Variants in EIF2AK2 observed in about 807,000 individuals in gnomAD.
EIF2AK2 encodes the protein eukaryotic translation initiation factor 2 alpha kinase 2.
In EIF2AK2, 40 loss-of-function variants were observed where a neutral mutation model predicts 70.5. That is an observed-to-expected ratio of 0.57 (90% CI 0.44 to 0.74). The LOEUF (loss-of-function observed/expected upper bound fraction) is 0.74, where lower values mean the gene tolerates loss of function less well. Among genes scored for constraint, EIF2AK2 ranks in the 30% least tolerant of loss-of-function variants. The pLI, the probability that EIF2AK2 is intolerant of heterozygous loss-of-function variation, is 0.00. For missense variants in EIF2AK2, 555 were observed against 644.3 expected, an observed-to-expected ratio of 0.86 and a Z score of 1.50; for synonymous variants, 198 against 220.9, an observed-to-expected ratio of 0.90 and a Z score of 0.92.
chr2:37,126,968 A>G (rs1179921477), intron 10 of EIF2AK2, among the ~76,000 whole-genome samples: 8 of 24,614 alleles, frequency 3.3e-4, no homozygotes, highest in East Asian at 1.7e-3. Flanking sequence ...AAAAAAACAG[A>G]AAAAAAAAAA....
At chr2:37,124,116 C>G (rs1674650219) in intron 11 of EIF2AK2, among the ~76,000 whole-genome samples, 1 of 151,870 alleles carries the variant, frequency 6.6e-6, no homozygotes, top group African/African-American at 2.4e-5. Context: ...CACAGGCACA[C>G]ACCACCACAC....
chr2:37,141,700 G>C lies in EIF2AK2; in HGVS notation c.242C>G (p.Ala81Gly). 4.4e-6 allele frequency: 7 copies of C among 1,595,848 alleles called. No homozygotes were observed. Among genetic ancestry groups the C allele is most frequent in the Non-Finnish European group, 6.0e-6 (7 of 1,174,078 alleles). ...TGTTGTCAATAATAAAGGACTAACT[G>C]CCTACAAAGAAAAAAAATTCCTGTT... ...AVEILNKEKK[A>G]VSPLLLTTTN... The change falls in exon 5 of 17, where the codon GCA becomes GGA. Residue 81 changes from alanine to glycine, a missense_variant and splice_region_variant. Physicochemically the swap from Ala to Gly is moderately conservative, Grantham distance 60. Transcript: ENST00000233057.
intron 14 of EIF2AK2, among the ~76,000 whole-genome samples, chr2:37,111,881 ATATATAT>A (rs1558407913): frequency 0.024 from 1,052 of 44,310 alleles, 15 homozygotes; most frequent in African/African-American, 0.043. Context: ...AAAAAAAAAT[ATATATAT>A]ATATATATAT....
In EIF2AK2 at chr2:37,139,676, G is replaced by A. The variant is rs140953544; in HGVS notation, c.471C>T (p.Ala157=). The change falls in exon 6 of 17, where the codon GCC becomes GCT. Residue 157 remains alanine, a synonymous_variant. Transcript: ENST00000233057. ...ATATCTGAAGATATGCAAGTTTAGCGGCCAATTGTTTTGCTTCCTGTTTAG... is the reference window on the plus strand; with the variant it reads ...ATATCTGAAGATATGCAAGTTTAGCAGCCAATTGTTTTGCTTCCTGTTTAG... ...GSTKQEAKQL[A]AKLAYLQILS... is the part of the protein sequence containing the mutation. 48 of 1,613,940 alleles carry A rather than the reference G, an allele frequency of 3.0e-5. No individual in the cohort carries two copies. The highest frequency in any genetic ancestry group is 1.9e-4 in the African/African-American group (14 of 75,002).
chr2:37,119,386 G>A (rs1674454672), intron 13 of EIF2AK2, among the ~76,000 whole-genome samples: 1 of 152,064 alleles, frequency 6.6e-6, no homozygotes, highest in African/African-American at 2.4e-5. Flanking sequence ...TAAAGCAACA[G>A]TCAACAGAGT....
At chr2:37,122,884 G>A (rs554053355) in intron 11 of EIF2AK2, among the ~76,000 whole-genome samples, 1 of 152,232 alleles carries the variant, frequency 6.6e-6, no homozygotes, top group Non-Finnish European at 1.5e-5. Context: ...ATAAAAGGCA[G>A]TGGCCGGGCG....
chr2:37,156,301 T>A (rs907321647), intron 1 of EIF2AK2, among the ~76,000 whole-genome samples: 1 of 152,086 alleles, frequency 6.6e-6, no homozygotes, highest in Non-Finnish European at 1.5e-5. Context: ...TATAGGATTC[T>A]GATGAGACAG....
intron 5 of EIF2AK2, among the ~76,000 whole-genome samples, chr2:37,141,286 TG>T (rs1675321127): frequency 6.6e-6 from 1 of 152,226 alleles, no homozygotes; most frequent in African/African-American, 2.4e-5. Context: ...TGTACTCTCT[TG>T]GGTGTTCCAC....
intron 15 of EIF2AK2, among the ~76,000 whole-genome samples, chr2:37,107,750 C>T (rs1229026628): frequency 6.6e-6 from 1 of 152,140 alleles, no homozygotes; most frequent in Non-Finnish European, 1.5e-5. Flanking sequence ...TCTTTACAAT[C>T]TCCCTTCATG....
intron 10 of EIF2AK2, among the ~76,000 whole-genome samples, chr2:37,127,278 C>T (rs75523155): frequency 1.3e-5 from 2 of 152,110 alleles, no homozygotes; most frequent in African/African-American, 4.8e-5. Flanking sequence ...AGCAGTACCT[C>T]GTTAACTGGA....
intron 1 of EIF2AK2, among the ~76,000 whole-genome samples, chr2:37,153,122 T>C (rs913838224): frequency 5.1e-5 from 6 of 117,564 alleles, no homozygotes; most frequent in East Asian, 5.0e-4. Flanking sequence ...GCAACCATTG[T>C]GATTTTTTTT....
chr2:37,107,191 T>C lies in EIF2AK2; in HGVS notation c.*82A>G. 6.8e-7 allele frequency: 1 copy of C among 1,473,820 alleles called. No homozygotes were observed. The highest frequency in any genetic ancestry group is 9.1e-7 in the Non-Finnish European group (1 of 1,101,228). The allele number at this position is 1,473,820 out of a possible 1,614,324, so 91.3% of individuals were successfully genotyped here. A position where few individuals can be genotyped will look rare whatever the true frequency, so the allele number is the denominator to read the frequency against. ...AGGAAACATTAAAATAAAAGGTAAA[T>C]ATCTATTGATATTCCCTAGCAGATT... On this transcript the variant is annotated 3_prime_UTR_variant, in exon 17 of 17. Coordinates refer to ENST00000233057, the MANE Select transcript of EIF2AK2 (RefSeq NM_001135651.3).
intron 14 of EIF2AK2, among the ~76,000 whole-genome samples, chr2:37,114,503 TA>T (rs988159455): frequency 6.6e-6 from 1 of 151,904 alleles, no homozygotes. Context: ...TATGTTTCTG[TA>T]AAAAAAATCT....
At chr2:37,152,951 T>G (rs971357254) in intron 1 of EIF2AK2, among the ~76,000 whole-genome samples, 7 of 152,190 alleles carry the variant, frequency 4.6e-5, no homozygotes, top group Admixed American at 2.0e-4. Flanking sequence ...TTCCTCTCCC[T>G]GCCTTCTAAT....
At chr2:37,146,717 G>T in intron 4 of EIF2AK2, 136 bp downstream of exon 4, 2 of 1,096,682 alleles carry the variant, frequency 1.8e-6, no homozygotes, top group South Asian at 1.6e-5. Context: ...AAGATAGGGT[G>T]AATGACTTAA....
intron 14 of EIF2AK2, among the ~76,000 whole-genome samples, chr2:37,110,858 G>A (rs1158962984): frequency 3.3e-5 from 5 of 152,190 alleles, no homozygotes; most frequent in African/African-American, 1.2e-4. Flanking sequence ...GTACACCCAT[G>A]TTCATCAGCA....
intron 4 of EIF2AK2, 35 bp from the exon 5 acceptor site, chr2:37,141,736 G>C: frequency 1.3e-6 from 2 of 1,552,920 alleles, no homozygotes; most frequent in Non-Finnish European, 1.7e-6. Context: ...TAATATAAAT[G>C]ACAACAAAGA....
chr2:37,105,199 A>T lies in EIF2AK2; in HGVS notation c.*2074T>A, dbSNP rs1673923739. The T allele has an allele frequency of 6.6e-6, 1 of 151,848 alleles. No homozygotes were observed. The highest frequency in any genetic ancestry group is 2.1e-4 in the South Asian group (1 of 4,810). The allele number at this position is 151,848 out of a possible 1,614,324, so 9.4% of individuals were successfully genotyped here. A position where few individuals can be genotyped will look rare whatever the true frequency, so the allele number is the denominator to read the frequency against. On this transcript the variant is annotated 3_prime_UTR_variant, in exon 17 of 17. Transcript: ENST00000233057. ...CCTAAAATCATATGGCAGTTTTAGAATGGTAGCTGGTTGCTGCTATAGTTT... is the reference window on the plus strand; with the variant it reads ...CCTAAAATCATATGGCAGTTTTAGATTGGTAGCTGGTTGCTGCTATAGTTT...
In EIF2AK2 at chr2:37,114,717, G is replaced by C. The variant is rs775293792; in HGVS notation, c.1377+14C>G. ...AAAGAAGTAAAATATAGACAGACAGGAAAGAGACCTTACCTGTTCTGGGCT... is the reference window on the plus strand; with the variant it reads ...AAAGAAGTAAAATATAGACAGACAGCAAAGAGACCTTACCTGTTCTGGGCT... On this transcript the variant is annotated intron_variant, in intron 14 of 16. Coordinates refer to ENST00000233057, the MANE Select transcript of EIF2AK2 (RefSeq NM_001135651.3). 3 of 1,533,998 alleles carry C rather than the reference G, an allele frequency of 2.0e-6. No homozygotes were observed. The highest frequency in any genetic ancestry group is 2.6e-6 in the Non-Finnish European group (3 of 1,147,172).
Sources: gnomAD v4.1 joint callset for allele counts (sites outside exome capture counted in the v4.1 genomes callset) on GRCh38, gnomAD v4.1.1 for gene constraint, MANE v1.5 for transcripts, NCBI Gene and HGNC (gene_info 2026-07-23, HGNC 2026-07-21) for gene names.